The following COL21A1 variants were observed in gnomAD, a reference collection of about 807,000 sequenced individuals.
The protein encoded by COL21A1 is collagen type XXI alpha 1 chain, also known as collagen alpha-1(XXI) chain.
Under a neutral mutation model 137.9 loss-of-function variants are expected in COL21A1, and 149 were observed. That is an observed-to-expected ratio of 1.08 (90% CI 0.95 to 1.24). COL21A1 has a LOEUF of 1.24. Ranked by LOEUF, COL21A1 falls within the 50% of genes most tolerant of loss-of-function variation. The pLI is 0.00. For synonymous variants in COL21A1, 456 were observed against 391.5 expected (o/e 1.16, Z -1.95); for missense variants, 1,167 against 1,158.4 (o/e 1.01, Z -0.11).
At chr6:56,345,310 T>C (rs1404707312) in intron 1 of COL21A1, among the ~76,000 whole-genome samples, 1 of 152,192 alleles carries the variant, frequency 6.6e-6, no homozygotes, top group Admixed American at 6.5e-5. Context: ...AGTAGGTGGC[T>C]TTTTGCAGTC....
intron 1 of COL21A1, among the ~76,000 whole-genome samples, chr6:56,312,191 G>A (rs1157443429): frequency 6.6e-6 from 1 of 152,202 alleles, no homozygotes; most frequent in Non-Finnish European, 1.5e-5. Flanking sequence ...TCTTAAGATT[G>A]TTTGATCTAG....
At chr6:56,335,073 G>GT (rs1395721012) in intron 1 of COL21A1, among the ~76,000 whole-genome samples, 54 of 151,328 alleles carry the variant, frequency 3.6e-4, no homozygotes, top group East Asian at 2.5e-3. Context: ...AGAATGGATT[G>GT]GTTTTTTTTG....
chr6:56,068,213 A>T (rs2114078255), intron 22 of COL21A1, among the ~76,000 whole-genome samples: 2 of 151,742 alleles, frequency 1.3e-5, no homozygotes, highest in Middle Eastern at 6.8e-3. Context: ...ACTGTGTATG[A>T]TCTAGGCACC....
chr6:56,120,052 A>T (rs184250818), intron 16 of COL21A1, among the ~76,000 whole-genome samples: 37 of 152,348 alleles, frequency 2.4e-4, no homozygotes, highest in African/African-American at 8.9e-4. Context: ...GTAAACATGG[A>T]CAAATCATGT....
Position 56,074,243 on chromosome 6 carries a change from G to C in COL21A1, c.1954C>G (p.Pro652Ala). 11 of 1,582,442 alleles carry C rather than the reference G, an allele frequency of 7.0e-6. No individual in the cohort carries two copies. The highest frequency in any genetic ancestry group is 9.4e-6 in the Non-Finnish European group (11 of 1,164,572). Residue 652 changes from proline (P) to alanine (A), a missense_variant, in exon 20 of 30, where the codon CCG (proline) becomes GCG (alanine). Coordinates refer to ENST00000244728, the MANE Select transcript of COL21A1 (RefSeq NM_030820.4). ...TTTATCATATTTACCTTAGATCCCG[G>C]TGTTCCAGGCTGGCCTGGTGAGCCA... ...SNGSPGQPGT[P>A]GSKGSKGEPG...
intron 1 of COL21A1, among the ~76,000 whole-genome samples, chr6:56,333,021 AC>A (rs533674707): frequency 6.6e-6 from 1 of 152,072 alleles, no homozygotes; most frequent in Admixed American, 6.6e-5. Context: ...AAATCTATTA[AC>A]CTTTTCTCTT....
At chr6:56,064,439 G>A in intron 24 of COL21A1, 139 bp downstream of exon 24, 1 of 569,408 alleles carries the variant, frequency 1.8e-6, no homozygotes, top group South Asian at 2.5e-5. Flanking sequence ...CTACCTACAT[G>A]TTCAACCTTA....
intron 1 of COL21A1, among the ~76,000 whole-genome samples, chr6:56,326,923 G>C (rs1259546129): frequency 1.3e-5 from 2 of 151,972 alleles, no homozygotes; most frequent in Non-Finnish European, 2.9e-5. Flanking sequence ...TGGATAGCTG[G>C]ACTCAATGAA....
chr6:56,255,207 A>G (rs1782937187), intron 1 of COL21A1, among the ~76,000 whole-genome samples: 1 of 152,026 alleles, frequency 6.6e-6, no homozygotes, highest in East Asian at 1.9e-4. Context: ...GCATTTTCTT[A>G]TTTCTCGTGT....
At chr6:56,161,495 T>C (rs952040479) in intron 9 of COL21A1, among the ~76,000 whole-genome samples, 8 of 152,252 alleles carry the variant, frequency 5.3e-5, no homozygotes, top group East Asian at 1.9e-4. Context: ...GTGGATCTTA[T>C]TGTTTTGACA....
chr6:56,334,487 G>A (rs1765296348), intron 1 of COL21A1, among the ~76,000 whole-genome samples: 1 of 152,120 alleles, frequency 6.6e-6, no homozygotes, highest in African/African-American at 2.4e-5. Flanking sequence ...TTGGTGGCAT[G>A]AAGAAGCGGT....
chr6:56,130,369 T>C (rs1029107242), intron 12 of COL21A1, among the ~76,000 whole-genome samples: 1 of 151,226 alleles, frequency 6.6e-6, no homozygotes, highest in Non-Finnish European at 1.5e-5. Context: ...ACAATCTGAG[T>C]TGACTCTTTA....
chr6:56,072,051 T>G lies in COL21A1; in HGVS notation c.1966-1253A>C, dbSNP rs189940198. On this transcript the variant is annotated intron_variant, in intron 20 of 29. Coordinates refer to ENST00000244728, the MANE Select transcript of COL21A1 (RefSeq NM_030820.4). ...TGTGTTCTGATTGTTCAGCTCCCACTTATAAGTGAGAACGTGTGATGTTTG... is the reference window on the plus strand; with the variant it reads ...TGTGTTCTGATTGTTCAGCTCCCACGTATAAGTGAGAACGTGTGATGTTTG... Among the ~76,000 whole-genome samples the G allele has an allele frequency of 6.0e-3, 915 of 151,736 alleles. 12 individuals carry two copies. Among genetic ancestry groups the G allele is most frequent in the African/African-American group, 0.02 (849 of 41,470 alleles).
chr6:56,098,258 T>C (rs1376072154), intron 17 of COL21A1, among the ~76,000 whole-genome samples: 2 of 49,714 alleles, frequency 4.0e-5, no homozygotes, highest in African/African-American at 8.1e-5. Context: ...AATATATAAA[T>C]ACATATATAA....
intron 16 of COL21A1, among the ~76,000 whole-genome samples, chr6:56,114,631 T>C (rs907294414): frequency 1.3e-5 from 2 of 151,532 alleles, no homozygotes; most frequent in Non-Finnish European, 2.9e-5. Flanking sequence ...AGATACCATC[T>C]CACACCAGTT....
chr6:56,151,133 G>A (rs1190814000), intron 10 of COL21A1, among the ~76,000 whole-genome samples: 3 of 152,148 alleles, frequency 2.0e-5, no homozygotes, highest in Admixed American at 2.0e-4. Context: ...GGCTGAGGCA[G>A]GAGAATGGCA....
In COL21A1 at chr6:56,159,078, G is replaced by A. The variant is rs542437532; in HGVS notation, c.1372-2129C>T. On this transcript the variant is annotated intron_variant, in intron 9 of 29. Coordinates refer to ENST00000244728, the MANE Select transcript of COL21A1 (RefSeq NM_030820.4). ...TCCTTCCTTATCCATGTGCTGATTG[G>A]ACTTGCTGCCTTTCAAGAAATTCCA... Among the ~76,000 whole-genome samples the A allele has an allele frequency of 3.2e-4, 48 of 152,146 alleles. 1 individual carries two copies. The highest frequency in any genetic ancestry group is 7.7e-4 in the East Asian group (4 of 5,168).
intron 1 of COL21A1, among the ~76,000 whole-genome samples, chr6:56,242,344 G>T (rs1032918507): frequency 6.6e-6 from 1 of 152,012 alleles, no homozygotes; most frequent in African/African-American, 2.4e-5. Flanking sequence ...AAATTCCAAA[G>T]AATCTTTTTA....
intron 1 of COL21A1, among the ~76,000 whole-genome samples, chr6:56,332,476 ATTT>A (rs57492933): frequency 4.0e-5 from 6 of 149,948 alleles, no homozygotes; most frequent in South Asian, 2.1e-4. Flanking sequence ...TGGGTAAAAC[ATTT>A]TTTTTTTTTG....
Sources: allele counts gnomAD v4.1 joint callset (sites outside exome capture counted in the v4.1 genomes callset), GRCh38; gene constraint gnomAD v4.1.1; transcripts MANE v1.5; gene names NCBI Gene and HGNC (gene_info 2026-07-23, HGNC 2026-07-21).